WNK2: variants seen among roughly 807,000 people sequenced by gnomAD.
WNK2 encodes serine/threonine-protein kinase WNK2.
Under a neutral mutation model 192.1 loss-of-function variants are expected in WNK2, and 67 were observed. That is an observed-to-expected ratio of 0.35 (90% CI 0.29 to 0.43). The LOEUF (loss-of-function observed/expected upper bound fraction) is 0.43. Among genes scored for constraint, WNK2 ranks in the 20% least tolerant of loss-of-function variants. The pLI, the probability that WNK2 is intolerant of heterozygous loss-of-function variation, is 1.00. For missense variants in WNK2, 2,698 were observed against 3,089.7 expected, an observed-to-expected ratio of 0.87 and a Z score of 3.01; for synonymous variants, 1,439 against 1,393.9, an observed-to-expected ratio of 1.03 and a Z score of -0.72.
At chr9:93,310,579 C>G (rs10992702) in intron 28 of WNK2, among the ~76,000 whole-genome samples, 58,183 of 151,954 alleles carry the variant, frequency 0.38, 13,153 homozygotes, top group Admixed American at 0.51. Flanking sequence ...TTCATCTTCC[C>G]CAGGGAAACT....
chr9:93,184,236 G>A lies in WNK2; in HGVS notation c.-152G>A, dbSNP rs557387399. On this transcript the variant is annotated 5_prime_UTR_variant, in exon 1 of 30. Coordinates refer to ENST00000427277, the MANE Select transcript of WNK2 (RefSeq NM_006648.4). ...GGCCCCGCAGTGGCCCGGCCCGAGA[G>A]AGCAGCGCGCAGGAGCTGGAGCGGC... Among the ~76,000 whole-genome samples the A allele has an allele frequency of 8.0e-5, 12 of 150,712 alleles. No homozygotes were observed. The highest frequency in any genetic ancestry group is 5.3e-4 in the Admixed American group (8 of 15,168).
intron 16 of WNK2, among the ~76,000 whole-genome samples, chr9:93,266,293 A>C (rs771267460): frequency 6.6e-6 from 1 of 152,190 alleles, no homozygotes; most frequent in Non-Finnish European, 1.5e-5. Context: ...TGGGTTCATC[A>C]TTCTGACCAT....
intron 2 of WNK2, among the ~76,000 whole-genome samples, chr9:93,192,127 A>C (rs143708485): frequency 6.6e-6 from 1 of 151,970 alleles, no homozygotes; most frequent in South Asian, 2.1e-4. Flanking sequence ...CATCCTGGCC[A>C]ACATGGTGAA....
At chr9:93,212,572 C>G (rs1019348445) in intron 2 of WNK2, among the ~76,000 whole-genome samples, 1 of 152,230 alleles carries the variant, frequency 6.6e-6, no homozygotes, top group African/African-American at 2.4e-5. Context: ...GGGAGGCAGC[C>G]ACAGTCAGGC....
At chr9:93,232,264 T>G (rs1175671439) in intron 4 of WNK2, among the ~76,000 whole-genome samples, 1 of 152,186 alleles carries the variant, frequency 6.6e-6, no homozygotes, top group East Asian at 1.9e-4. Flanking sequence ...TGGGGCAAGG[T>G]GGCTGCCCGG....
rs118159935 is a variant in WNK2, at chr9:93,264,654, A to G, written c.3696+621A>G. 4.6e-5 allele frequency among the ~76,000 whole-genome samples: 7 copies of G among 152,316 alleles called. No homozygotes were observed. In the East Asian group the frequency reaches 1.2e-3, roughly 25 times the overall value. ...GCACGCACGAAGAAACATGGAAAGG[A>G]TGTACATGTGGTCCTCAAATTTCCT... On this transcript the variant is annotated intron_variant, in intron 16 of 29. Transcript: ENST00000427277.
intron 23 of WNK2, among the ~76,000 whole-genome samples, chr9:93,296,496 C>T (rs1489821691): frequency 2.1e-5 from 1 of 46,818 alleles, no homozygotes; most frequent in Admixed American, 2.1e-4. Flanking sequence ...CCTCCTCCCC[C>T]TCCATCCTCC....
intron 28 of WNK2, among the ~76,000 whole-genome samples, chr9:93,310,017 A>ACT (rs1853355304): frequency 1.3e-5 from 2 of 152,330 alleles, no homozygotes; most frequent in Admixed American, 1.3e-4. Flanking sequence ...AGGAGAGCAG[A>ACT]CTTAGTGCTT....
At chr9:93,221,441 C>T (rs1284967594) in intron 2 of WNK2, among the ~76,000 whole-genome samples, 2 of 152,216 alleles carry the variant, frequency 1.3e-5, no homozygotes, top group Non-Finnish European at 2.9e-5. Context: ...TACTGGCTGA[C>T]AGGATCAGGC....
rs184376039 is a variant in WNK2, at chr9:93,268,686, G to A, written c.3973G>A (p.Glu1325Lys). ...ICPVAEHPAP[E>K]APESSPPLPL... ...TCCGGTGGCTGAGCACCCCGCCCCCGAGGCCCCTGAATCTTCGCCCCCACT... is the reference window on the plus strand; with the variant it reads ...TCCGGTGGCTGAGCACCCCGCCCCCAAGGCCCCTGAATCTTCGCCCCCACT... The change falls in exon 19 of 30, where the codon GAG becomes AAG. Residue 1325 changes from glutamate to lysine, a missense_variant. Physicochemically the swap from Glu to Lys is moderately conservative, Grantham distance 56. Around this residue, in one of 7 missense-constraint regions of WNK2, gnomAD observed 1,098 missense variants for 1,101.0 expected, o/e 1.00. Coordinates refer to ENST00000427277, the MANE Select transcript of WNK2 (RefSeq NM_006648.4). 141 of 1,613,370 alleles carry A rather than the reference G, an allele frequency of 8.7e-5. 2 individuals carry two copies. The highest frequency in any genetic ancestry group is 8.3e-4 in the East Asian group (37 of 44,836).
intron 19 of WNK2, chr9:93,269,041 T>C (rs1845647643): frequency 4.2e-6 from 5 of 1,198,788 alleles, no homozygotes; most frequent in Non-Finnish European, 5.9e-6. Context: ...TCCTTCACAG[T>C]GTTAACCTGG....
Position 93,238,218 on chromosome 9 carries a change from C to T in WNK2, c.1234-15C>T. 6.2e-7 allele frequency: 1 copy of T among 1,613,612 alleles called. No individual in the cohort carries two copies. Among genetic ancestry groups the T allele is most frequent in the Non-Finnish European group, 8.5e-7 (1 of 1,179,548 alleles). On this transcript the variant is annotated splice_polypyrimidine_tract_variant and intron_variant, in intron 5 of 29. Transcript: ENST00000427277. Reference sequence around the variant, plus strand: ...CAGCCGATCGGGTCAGGTAACTCTGCTCTCTCCCTGTCAGGGTATCAAGCC... The same window carrying T: ...CAGCCGATCGGGTCAGGTAACTCTGTTCTCTCCCTGTCAGGGTATCAAGCC...
chr9:93,243,749 T>A (rs1379539133), intron 7 of WNK2, among the ~76,000 whole-genome samples: 1 of 151,996 alleles, frequency 6.6e-6, no homozygotes, highest in Non-Finnish European at 1.5e-5. Context: ...AACCTCACAC[T>A]CCTCCTTCCC....
At chr9:93,306,993 G>A (rs1033342686) in intron 27 of WNK2, 172 bp downstream of exon 27, 5 of 739,894 alleles carry the variant, frequency 6.8e-6, no homozygotes, top group Admixed American at 2.4e-5. Flanking sequence ...TGGCGGGATC[G>A]CTGTCCTCGG....
At chr9:93,263,892 T>C (rs1436983794) in intron 15 of WNK2, 25 bp from the exon 16 acceptor site, 1 of 1,588,464 alleles carries the variant, frequency 6.3e-7, no homozygotes, top group Non-Finnish European at 8.6e-7. Flanking sequence ...ACGCCCGTGG[T>C]GGGTGCTGAT....
chr9:93,232,608 C>A lies in WNK2; in HGVS notation c.1075+1500C>A, dbSNP rs534529058. Among the ~76,000 whole-genome samples the A allele has an allele frequency of 1.3e-5, 2 of 152,334 alleles. 1 individual carries two copies. The highest frequency in any genetic ancestry group is 4.1e-4 in the South Asian group (2 of 4,830). On this transcript the variant is annotated intron_variant, in intron 4 of 29. Transcript: ENST00000427277. ...AACACTCCTGGAGGAAGAAGCACAG[C>A]CCACTGTGAAGCGGCAGCCCCGGCA... is the stretch of plus-strand genomic sequence containing the variant.
intron 2 of WNK2, among the ~76,000 whole-genome samples, chr9:93,206,633 C>T (rs530761198): frequency 8.5e-4 from 129 of 152,182 alleles, no homozygotes; most frequent in Non-Finnish European, 1.5e-3. Context: ...GAGCCAGCAC[C>T]GGGCAGACGT....
chr9:93,245,499 C>T (rs1182144215), intron 7 of WNK2, among the ~76,000 whole-genome samples: 1 of 152,176 alleles, frequency 6.6e-6, no homozygotes, highest in Non-Finnish European at 1.5e-5. Context: ...GCTGAGTTTG[C>T]ATGTGTTTCC....
At chr9:93,318,141 C>A in intron 29 of WNK2, 2 of 1,523,542 alleles carry the variant, frequency 1.3e-6, no homozygotes, top group African/African-American at 1.4e-5. Flanking sequence ...CTTTTCCGTT[C>A]CCTGATGAAA....
Sources: allele counts gnomAD v4.1 joint callset (sites outside exome capture counted in the v4.1 genomes callset), GRCh38; gene constraint gnomAD v4.1.1; regional missense constraint gnomAD v4.1.1; transcripts MANE v1.5; gene names NCBI Gene and HGNC (gene_info 2026-07-23, HGNC 2026-07-21).